ACP6: variants seen among roughly 807,000 people sequenced by gnomAD.
The protein encoded by ACP6 is acid phosphatase 6, lysophosphatidic.
In ACP6, 48 loss-of-function variants were observed where a neutral mutation model predicts 48.1. The observed-to-expected ratio is 1.00, with a 90% CI of 0.79 to 1.27. The LOEUF is 1.27. Among genes scored for constraint, ACP6 ranks in the 50% most tolerant of loss-of-function variants. The probability of loss-of-function intolerance (pLI) is 0.00; values close to 1 mark genes in which losing one functional copy is unlikely to be tolerated. For missense variants in ACP6, 485 were observed against 529.1 expected (o/e 0.92, Z 0.82); for synonymous variants, 172 against 204.2 (o/e 0.84, Z 1.34).
downstream of ACP6, among the ~76,000 whole-genome samples, chr1:147,637,809 A>G (rs143125023): frequency 4.1e-3 from 619 of 152,310 alleles, 7 homozygotes; most frequent in African/African-American, 0.014. Flanking sequence ...TATCAGCACA[A>G]ACATATCTAA....
exon 6 of ACP6, chr1:147,629,729 A>C (rs1430122858): frequency 6.6e-6 from 1 of 152,242 alleles, no homozygotes; most frequent in African/African-American, 2.4e-5. Flanking sequence ...GGGTGGCCAA[A>C]CATTTCCTAT....
chr1:147,651,900 C>T (rs1659942768), intron 7 of ACP6: 1 of 152,218 alleles, frequency 6.6e-6, no homozygotes, highest in Non-Finnish European at 1.5e-5. Context: ...TTCTGGTAGT[C>T]AGGAAACAGA....
Position 147,642,688 on chromosome 1 carries a change from A to C in ACP6, c.*4735T>G, listed in dbSNP as rs1019436332. On this transcript the variant is annotated 3_prime_UTR_variant, in exon 10 of 10. Transcript: ENST00000583509. ...CATTCAAATGTCCAAGTGTCTGAGCACTGGCATGCACTAGGCACTATTCCA... is the reference window on the plus strand; with the variant it reads ...CATTCAAATGTCCAAGTGTCTGAGCCCTGGCATGCACTAGGCACTATTCCA... 4 of 152,234 alleles carry C rather than the reference A, an allele frequency of 2.6e-5. No homozygotes were observed. In the East Asian group the frequency reaches 7.7e-4, roughly 29 times the overall value. The allele number at this position is 152,234 out of a possible 1,614,324, so 9.4% of individuals were successfully genotyped here.
intron 5 of ACP6, among the ~76,000 whole-genome samples, chr1:147,636,273 G>A (rs1221775551): frequency 1.3e-5 from 2 of 149,798 alleles, no homozygotes; most frequent in South Asian, 4.2e-4. Context: ...AATAAGCAAA[G>A]TTTAAGACAA....
intron 5 of ACP6, among the ~76,000 whole-genome samples, chr1:147,635,989 G>A (rs587641461): frequency 6.6e-6 from 1 of 152,328 alleles, no homozygotes; most frequent in East Asian, 1.9e-4. Flanking sequence ...GAGGGGTTGG[G>A]GGAGTGGCTT....
At chr1:147,648,525 A>C in intron 8 of ACP6, 114 bp from the exon 9 acceptor site, 1 of 1,239,056 alleles carries the variant, frequency 8.1e-7, no homozygotes, top group Non-Finnish European at 1.1e-6. Context: ...TGACATCTAG[A>C]AATCAGCTGA....
At chr1:147,649,721 C>CT (rs1659816742) in intron 8 of ACP6, 1 of 184,902 alleles carries the variant, frequency 5.4e-6, no homozygotes, top group African/African-American at 2.4e-5. Flanking sequence ...GGATTACAGG[C>CT]GTGAGCCACT....
intron 6 of ACP6, among the ~76,000 whole-genome samples, chr1:147,653,904 C>T (rs1553211091): frequency 6.6e-6 from 1 of 152,006 alleles, no homozygotes; most frequent in African/African-American, 2.4e-5. Context: ...CCTACTCATC[C>T]CTCCCTACCC....
At chr1:147,633,418 G>A (rs1463205358) in intron 5 of ACP6, among the ~76,000 whole-genome samples, 1 of 151,896 alleles carries the variant, frequency 6.6e-6, no homozygotes, top group Non-Finnish European at 1.5e-5. Flanking sequence ...AAAGTGTTTG[G>A]TGCCCCAGTA....
At chr1:147,638,708 A>G (rs370380560), downstream of ACP6, among the ~76,000 whole-genome samples, 5 of 152,312 alleles carry the variant, frequency 3.3e-5, no homozygotes, top group East Asian at 9.6e-4. Context: ...TATCCAGCCC[A>G]TACATACCCA....
At chr1:147,663,116 C>A (rs1478296420) in intron 1 of ACP6, among the ~76,000 whole-genome samples, 1 of 152,106 alleles carries the variant, frequency 6.6e-6, no homozygotes, top group Non-Finnish European at 1.5e-5. Flanking sequence ...GTAAACACAA[C>A]TTTTATATGC....
chr1:147,670,280 A>C lies in ACP6; in HGVS notation c.-232T>G. ...CAGCGAAGAGTCCCTGGGAGTTTTA[A>C]CCCGGGTCGGGGTTGGTCGCTCCTG... On this transcript the variant is annotated 5_prime_UTR_variant, in exon 1 of 10. Coordinates refer to ENST00000583509, the MANE Select transcript of ACP6 (RefSeq NM_016361.5). 2.2e-6 allele frequency: 1 copy of C among 464,662 alleles called. No homozygotes were observed. Among genetic ancestry groups the C allele is most frequent in the South Asian group, 3.9e-5 (1 of 25,932 alleles). The allele number at this position is 464,662 out of a possible 1,614,324, so 28.8% of individuals were successfully genotyped here.
At chr1:147,635,747 G>A (rs1181349922) in intron 5 of ACP6, among the ~76,000 whole-genome samples, 2 of 152,176 alleles carry the variant, frequency 1.3e-5, no homozygotes, top group African/African-American at 4.8e-5. Flanking sequence ...TTTCTCTATG[G>A]GAGTGAGAGA....
chr1:147,645,666 G>A lies in ACP6; in HGVS notation c.*1757C>T, dbSNP rs896132360. On this transcript the variant is annotated 3_prime_UTR_variant, in exon 10 of 10. Coordinates refer to ENST00000583509, the MANE Select transcript of ACP6 (RefSeq NM_016361.5). Reference sequence around the variant, plus strand: ...AAGGCTATTGATGATTTTGACAAGAGCAGTTTCCATGGAGTGGTGGGGGTG... The same window carrying A: ...AAGGCTATTGATGATTTTGACAAGAACAGTTTCCATGGAGTGGTGGGGGTG... 2 of 152,198 alleles carry A rather than the reference G, an allele frequency of 1.3e-5. No individual in the cohort carries two copies. The highest frequency in any genetic ancestry group is 2.9e-5 in the Non-Finnish European group (2 of 68,042). 9.4% of individuals were successfully genotyped at this position (152,198 alleles called of 1,614,324 possible).
intron 4 of ACP6, 39 bp downstream of exon 4, chr1:147,658,921 C>T: frequency 1.9e-6 from 3 of 1,552,796 alleles, no homozygotes; most frequent in Non-Finnish European, 1.7e-6. Flanking sequence ...AAGCAAGACC[C>T]CTCAGGGACA....
At chr1:147,637,837 C>A (rs587736278), downstream of ACP6, among the ~76,000 whole-genome samples, 9 of 152,298 alleles carry the variant, frequency 5.9e-5, no homozygotes, top group East Asian at 1.5e-3. Flanking sequence ...ATCATTTATT[C>A]ATTCATTCAA....
At position 147,644,956 on chromosome 1, in the gene ACP6, G is replaced by A. The variant is rs1387550605; in HGVS notation, c.*2467C>T. 1 of 150,842 alleles carries A rather than the reference G, an allele frequency of 6.6e-6. No individual in the cohort carries two copies. The highest frequency in any genetic ancestry group is 1.5e-5 in the Non-Finnish European group (1 of 67,848). The allele number at this position is 150,842 out of a possible 1,614,324, so 9.3% of individuals were successfully genotyped here. A position where few individuals can be genotyped will look rare whatever the true frequency, so the allele number is the denominator to read the frequency against. On this transcript the variant is annotated 3_prime_UTR_variant, in exon 10 of 10. Coordinates refer to ENST00000583509, the MANE Select transcript of ACP6 (RefSeq NM_016361.5). ...TGAAGGTATAAATTTAGGAGACATT[G>A]TGTAAATATTTAAAACTGGAAATTC...
At chr1:147,665,592 G>A (rs1302236654) in intron 1 of ACP6, among the ~76,000 whole-genome samples, 1 of 152,174 alleles carries the variant, frequency 6.6e-6, no homozygotes, top group Non-Finnish European at 1.5e-5. Flanking sequence ...ATTGATATCT[G>A]TTGTCTCTGC....
chr1:147,648,913 A>C (rs1659767783), intron 8 of ACP6, among the ~76,000 whole-genome samples: 1 of 152,192 alleles, frequency 6.6e-6, no homozygotes, highest in South Asian at 2.1e-4. Context: ...ATGCCATTTT[A>C]ATCTACATCT....
Sources: allele counts gnomAD v4.1 joint callset (sites outside exome capture counted in the v4.1 genomes callset), GRCh38; gene constraint gnomAD v4.1.1; transcripts MANE v1.5; gene names NCBI Gene and HGNC (gene_info 2026-07-23, HGNC 2026-07-21).